Variants in ERC2 observed in about 807,000 individuals in gnomAD.
ERC2 encodes the protein ERC protein 2.
A neutral mutation model predicts 114.8 loss-of-function variants in ERC2; 42 were observed. That is an observed-to-expected ratio of 0.37 (90% CI 0.29 to 0.47). The LOEUF (loss-of-function observed/expected upper bound fraction) is 0.47, where lower values mean the gene tolerates loss of function less well. ERC2 is among the 20% of genes least tolerant of loss of function. The pLI is 0.99. For missense variants in ERC2, 939 were observed against 1,150.7 expected, an observed-to-expected ratio of 0.82 and a Z score of 2.66; for synonymous variants, 454 against 425.5, an observed-to-expected ratio of 1.07 and a Z score of -0.82.
intron 4 of ERC2, among the ~76,000 whole-genome samples, chr3:56,169,029 C>T (rs1319737162): frequency 2.0e-5 from 3 of 152,200 alleles, no homozygotes; most frequent in African/African-American, 7.2e-5. Flanking sequence ...CCCTCGCTGA[C>T]CGTGGGACTG....
chr3:56,239,484 C>T (rs11926826), intron 3 of ERC2, among the ~76,000 whole-genome samples: 6 of 151,774 alleles, frequency 4.0e-5, no homozygotes, highest in African/African-American at 1.2e-4. Context: ...CCAGCCTGGG[C>T]GACAGAGTGA....
At chr3:55,925,041 A>G (rs1223468518) in intron 13 of ERC2, among the ~76,000 whole-genome samples, 1 of 152,202 alleles carries the variant, frequency 6.6e-6, no homozygotes, top group Non-Finnish European at 1.5e-5. Flanking sequence ...ACTTCCAACA[A>G]ACTGCTCAAA....
chr3:56,335,594 A>G (rs2057813239), intron 2 of ERC2, among the ~76,000 whole-genome samples: 1 of 152,188 alleles, frequency 6.6e-6, no homozygotes, highest in African/African-American at 2.4e-5. Flanking sequence ...GGGCAGGACA[A>G]CTCTTGATAA....
intron 13 of ERC2, among the ~76,000 whole-genome samples, chr3:55,915,379 C>T (rs554852797): frequency 7.1e-4 from 108 of 152,056 alleles, no homozygotes; most frequent in African/African-American, 2.5e-3. Flanking sequence ...CAACAAAGGG[C>T]TGTTATGGAG....
intron 1 of ERC2, among the ~76,000 whole-genome samples, chr3:56,466,109 T>C (rs2063533104): frequency 6.6e-6 from 1 of 152,230 alleles, no homozygotes; most frequent in South Asian, 2.1e-4. Context: ...TCCACAAGGT[T>C]TAAAAAAGAT....
intron 7 of ERC2, among the ~76,000 whole-genome samples, chr3:56,064,893 C>T (rs1460912711): frequency 6.6e-6 from 1 of 152,144 alleles, no homozygotes; most frequent in Non-Finnish European, 1.5e-5. Flanking sequence ...ATTCTGAATC[C>T]AAAAAGAACT....
chr3:56,282,533 T>C (rs1190287624), intron 3 of ERC2, among the ~76,000 whole-genome samples: 1 of 152,202 alleles, frequency 6.6e-6, no homozygotes, highest in Non-Finnish European at 1.5e-5. Flanking sequence ...AAGTCCCCCA[T>C]GAGGTCTCAG....
chr3:55,866,930 A>G (rs2062345386), intron 14 of ERC2, among the ~76,000 whole-genome samples: 2 of 152,144 alleles, frequency 1.3e-5, no homozygotes, highest in South Asian at 2.1e-4. Flanking sequence ...ATCTTTTATG[A>G]TATAAAAGAT....
chr3:56,270,254 C>A (rs1019199065), intron 3 of ERC2, among the ~76,000 whole-genome samples: 1 of 151,990 alleles, frequency 6.6e-6, no homozygotes, highest in Non-Finnish European at 1.5e-5. Flanking sequence ...GAACAACTGC[C>A]AGGCCTACAG....
intron 15 of ERC2, among the ~76,000 whole-genome samples, chr3:55,706,510 C>T (rs1258664303): frequency 1.3e-5 from 2 of 152,100 alleles, no homozygotes; most frequent in East Asian, 1.9e-4. Flanking sequence ...GATTACCCCA[C>T]CTCAGCCTCC....
chr3:56,029,147 C>A (rs1378778460), intron 7 of ERC2, among the ~76,000 whole-genome samples: 1 of 152,006 alleles, frequency 6.6e-6, no homozygotes, highest in Non-Finnish European at 1.5e-5. Flanking sequence ...GAATAAATTT[C>A]ACTTGGTCAT....
At position 55,696,094 on chromosome 3, in the gene ERC2, T is replaced by C. The variant is rs557958060; in HGVS notation, c.2847+3284A>G. ...TAGACTTATAATACTTGGATTCAGT[T>C]TCTCTTAAGGAGCAAGAAAAATCAT... is the stretch of plus-strand genomic sequence containing the variant. On this transcript the variant is annotated intron_variant, in intron 16 of 17. Coordinates refer to ENST00000288221, the MANE Select transcript of ERC2 (RefSeq NM_015576.3). Among the ~76,000 whole-genome samples, 34 of 152,294 alleles carry C rather than the reference T, an allele frequency of 2.2e-4. 1 individual carries two copies. In the South Asian group the frequency reaches 6.6e-3, roughly 30 times the overall value.
At chr3:55,962,551 C>A (rs1158910492) in intron 12 of ERC2, among the ~76,000 whole-genome samples, 1 of 152,238 alleles carries the variant, frequency 6.6e-6, no homozygotes, top group Non-Finnish European at 1.5e-5. Flanking sequence ...GAACATGAGA[C>A]CAGGGCTATA....
chr3:55,691,573 AATATATATATATATAT>A (rs1292437178), intron 16 of ERC2, among the ~76,000 whole-genome samples: 1 of 39,746 alleles, frequency 2.5e-5, no homozygotes, highest in African/African-American at 9.3e-5. Context: ...AAAAAAAAAA[AATATATATATATATAT>A]ATATATATAT....
chr3:55,827,767 C>T (rs1236075720), intron 14 of ERC2, among the ~76,000 whole-genome samples: 12 of 152,218 alleles, frequency 7.9e-5, no homozygotes, highest in Admixed American at 6.5e-4. Flanking sequence ...CTTCATCCTC[C>T]ACACTGACAA....
At chr3:56,101,291 G>T (rs2149804998) in intron 6 of ERC2, among the ~76,000 whole-genome samples, 1 of 147,984 alleles carries the variant, frequency 6.8e-6, no homozygotes, top group East Asian at 2.0e-4. Flanking sequence ...CACTGAGGAA[G>T]ATAAGAGCAT....
rs142242067 is a variant in ERC2, at chr3:56,304,414, T to A, written c.658-7979A>T. On this transcript the variant is annotated intron_variant, in intron 2 of 17. Coordinates refer to ENST00000288221, the MANE Select transcript of ERC2 (RefSeq NM_015576.3). ...TAGAAGAAACAGAAATCCTGAAGAG[T>A]TCTGCAGCTATTAAATAAATAGAAT... Among the ~76,000 whole-genome samples the A allele has an allele frequency of 1.1e-3, 160 of 152,046 alleles. 1 individual carries two copies. In the Middle Eastern group the frequency reaches 0.014, roughly 13 times the overall value.
At chr3:55,732,004 C>T (rs920717540) in intron 15 of ERC2, among the ~76,000 whole-genome samples, 3 of 152,068 alleles carry the variant, frequency 2.0e-5, no homozygotes, top group African/African-American at 7.2e-5. Context: ...GAATTTCTCC[C>T]TGAACCTGAT....
intron 4 of ERC2, among the ~76,000 whole-genome samples, chr3:56,153,564 T>A (rs1218248043): frequency 2.0e-5 from 3 of 152,156 alleles, no homozygotes; most frequent in Non-Finnish European, 1.5e-5. Flanking sequence ...CAACTTAACA[T>A]TAAGTGTACA....
Sources: gnomAD v4.1 joint callset for allele counts (sites outside exome capture counted in the v4.1 genomes callset) on GRCh38, gnomAD v4.1.1 for gene constraint, MANE v1.5 for transcripts, NCBI Gene and HGNC (gene_info 2026-07-23, HGNC 2026-07-21) for gene names.